CDH8: variants seen among roughly 807,000 people sequenced by gnomAD.
CDH8 encodes the protein cadherin 8.
A neutral mutation model predicts 68.1 loss-of-function variants in CDH8; 17 were observed. The observed-to-expected ratio is 0.25, with a 90% CI of 0.17 to 0.37. The LOEUF is 0.37. Ranked by LOEUF, CDH8 falls within the 10% of genes least tolerant of loss-of-function variation. The pLI is 1.00. For synonymous variants in CDH8, 372 were observed against 365.1 expected (o/e 1.02, Z -0.21); for missense variants, 763 against 999.3 (o/e 0.76, Z 3.19).
At chr16:61,697,173 A>C (rs1964342335) in intron 10 of CDH8, among the ~76,000 whole-genome samples, 1 of 152,150 alleles carries the variant, frequency 6.6e-6, no homozygotes, top group Non-Finnish European at 1.5e-5. Context: ...CTTGTCATTG[A>C]GATGATGCTT....
At chr16:61,901,522 A>G in intron 2 of CDH8, 49 bp from the exon 3 acceptor site, 1 of 1,391,632 alleles carries the variant, frequency 7.2e-7, no homozygotes, top group African/African-American at 1.4e-5. Flanking sequence ...CTGAAAAGTT[A>G]TTTTTTTAAC....
chr16:61,783,115 G>A (rs1364042441), intron 8 of CDH8, among the ~76,000 whole-genome samples: 1 of 146,694 alleles, frequency 6.8e-6, no homozygotes, highest in Admixed American at 6.8e-5. Context: ...GAGAGAAGAA[G>A]GCTTCAGACG....
At chr16:61,980,349 T>C (rs921455049) in intron 2 of CDH8, among the ~76,000 whole-genome samples, 29 of 152,200 alleles carry the variant, frequency 1.9e-4, no homozygotes, top group African/African-American at 7.0e-4. Flanking sequence ...ATTGACGTCA[T>C]ATCTTCCTTC....
chr16:61,702,944 A>C (rs2142852255), intron 10 of CDH8, among the ~76,000 whole-genome samples: 1 of 152,352 alleles, frequency 6.6e-6, no homozygotes, highest in Non-Finnish European at 1.5e-5. Flanking sequence ...ATGGAGAGAT[A>C]GAAGTAATAT....
chr16:61,807,563 C>T (rs151112882), intron 7 of CDH8, among the ~76,000 whole-genome samples: 55 of 152,222 alleles, frequency 3.6e-4, no homozygotes, highest in African/African-American at 1.2e-3. Flanking sequence ...TTTCAGTGTG[C>T]GTATCCATTA....
chr16:61,687,806 G>A (rs1480050728), intron 10 of CDH8, among the ~76,000 whole-genome samples: 2 of 151,970 alleles, frequency 1.3e-5, no homozygotes, highest in Non-Finnish European at 2.9e-5. Flanking sequence ...TTTAACCTAC[G>A]TAATTTCTAG....
chr16:62,021,603 C>G lies in CDH8; in HGVS notation c.-199-1G>C. ...TGGCTTTTCTTTTCATTGAAATTTC[C>G]TGCAAAAACAAGGAGGAAGAAAGAT... is the stretch of plus-strand genomic sequence containing the variant. On this transcript the variant is annotated splice_acceptor_variant, in intron 1 of 11. Transcript: ENST00000577390. LOFTEE classifies it low-confidence loss of function (5UTR_SPLICE). The G allele has an allele frequency of 7.5e-7, 1 of 1,337,234 alleles. No homozygotes were observed. The highest frequency in any genetic ancestry group is 9.5e-7 in the Non-Finnish European group (1 of 1,048,350). 82.8% of individuals were successfully genotyped at this position (1,337,234 alleles called of 1,614,324 possible).
At chr16:61,662,852 A>G (rs537076891) in intron 10 of CDH8, among the ~76,000 whole-genome samples, 1 of 152,036 alleles carries the variant, frequency 6.6e-6, no homozygotes, top group Non-Finnish European at 1.5e-5. Context: ...CCCAGTCTAT[A>G]CCAATAAGCA....
Position 61,653,830 on chromosome 16 carries a change from A to G in CDH8, c.2178T>C (p.Asn726=). 2 of 1,614,144 alleles carry G rather than the reference A, an allele frequency of 1.2e-6. No individual in the cohort carries two copies. The highest frequency in any genetic ancestry group is 1.1e-5 in the South Asian group (1 of 91,086). The change falls in exon 12 of 12, where the codon AAT becomes AAC. Residue 726 remains asparagine (N), a synonymous_variant. Transcript: ENST00000577390. The part of the protein sequence containing the change: ...PNGVDVDEFI[N]VRLHEADNDP... ...CATTATCTGCCTCATGCAGCCTTACATTTATAAATTCATCGACATCAACAC... is the reference window on the plus strand; with the variant it reads ...CATTATCTGCCTCATGCAGCCTTACGTTTATAAATTCATCGACATCAACAC...
chr16:62,025,274 A>G lies in CDH8; in HGVS notation c.-199-3672T>C, dbSNP rs570293747. Among the ~76,000 whole-genome samples, 10 of 152,298 alleles carry G rather than the reference A, an allele frequency of 6.6e-5. No homozygotes were observed. In the South Asian group the frequency reaches 1.0e-3, roughly 16 times the overall value. On this transcript the variant is annotated intron_variant, in intron 1 of 11. Coordinates refer to ENST00000577390, the MANE Select transcript of CDH8 (RefSeq NM_001796.5). ...TATTATTTGCAGAATCACCCAGTCCATCGTCACTCCATCTTTTTTCCTACC... is the reference window on the plus strand; with the variant it reads ...TATTATTTGCAGAATCACCCAGTCCGTCGTCACTCCATCTTTTTTCCTACC...
chr16:62,009,072 C>A (rs1440299484), intron 2 of CDH8, among the ~76,000 whole-genome samples: 1 of 151,530 alleles, frequency 6.6e-6, no homozygotes, highest in East Asian at 1.9e-4. Context: ...CTATAAATAA[C>A]CCTGCCACAT....
chr16:61,686,799 G>A (rs1964119096), intron 10 of CDH8, among the ~76,000 whole-genome samples: 1 of 151,982 alleles, frequency 6.6e-6, no homozygotes, highest in South Asian at 2.1e-4. Flanking sequence ...ATGCATTTTA[G>A]GTTAGCAGTA....
chr16:61,667,898 C>T (rs1963711823), intron 10 of CDH8, among the ~76,000 whole-genome samples: 1 of 151,948 alleles, frequency 6.6e-6, no homozygotes. Context: ...CAACCTAGTT[C>T]AGTGTATTTT....
At chr16:61,724,610 T>A (rs1959289731) in intron 9 of CDH8, among the ~76,000 whole-genome samples, 1 of 150,682 alleles carries the variant, frequency 6.6e-6, no homozygotes, top group Admixed American at 6.7e-5. Flanking sequence ...AACAAGACAT[T>A]TGAATGTCAC....
In CDH8 at chr16:61,817,661, G is replaced by C; in HGVS notation, c.1095C>G (p.Arg365=). The C allele has an allele frequency of 6.2e-7, 1 of 1,613,476 alleles. No homozygotes were observed. Among genetic ancestry groups the C allele is most frequent in the Non-Finnish European group, 8.5e-7 (1 of 1,179,712 alleles). The part of the protein sequence containing the change: ...VEAANVHIDP[R]FSGRGPFKDT... ...CTTTAAAGGGCCCCCTGCCACTGAA[G>C]CGTGGGTCAATATGGACATTGGCTG... The change falls in exon 7 of 12, where the codon CGC becomes CGG. Residue 365 remains arginine (R), a synonymous_variant. Coordinates refer to ENST00000577390, the MANE Select transcript of CDH8 (RefSeq NM_001796.5).
intron 3 of CDH8, among the ~76,000 whole-genome samples, chr16:61,898,598 C>G (rs561835165): frequency 6.6e-6 from 1 of 152,068 alleles, no homozygotes; most frequent in Non-Finnish European, 1.5e-5. Context: ...TAAGAAATAA[C>G]ATGGTTAGAA....
chr16:61,893,063 C>T (rs1459763775), intron 3 of CDH8, among the ~76,000 whole-genome samples: 1 of 152,040 alleles, frequency 6.6e-6, no homozygotes. Context: ...AGTCTGGAGT[C>T]CAAAATCAAG....
intron 8 of CDH8, among the ~76,000 whole-genome samples, chr16:61,754,195 A>G (rs1031776643): frequency 1.3e-5 from 2 of 152,214 alleles, no homozygotes; most frequent in African/African-American, 4.8e-5. Context: ...TAATGTAGAT[A>G]CAAGACATGT....
intron 4 of CDH8, among the ~76,000 whole-genome samples, chr16:61,834,537 T>C (rs1962526874): frequency 6.6e-6 from 1 of 151,938 alleles, no homozygotes; most frequent in African/African-American, 2.4e-5. Flanking sequence ...CAATATAAAT[T>C]TGTAGGGCAG....
Sources: allele counts gnomAD v4.1 joint callset (sites outside exome capture counted in the v4.1 genomes callset), GRCh38; gene constraint gnomAD v4.1.1; transcripts MANE v1.5; gene names NCBI Gene and HGNC (gene_info 2026-07-23, HGNC 2026-07-21).